Variants in OXR1 observed in about 807,000 individuals in gnomAD.
The protein encoded by OXR1 is oxidation resistance 1, also known as oxidation resistance protein 1.
OXR1 carries 41 observed loss-of-function variants against 104.6 expected under a neutral mutation model. The observed-to-expected ratio is 0.39, with a 90% confidence interval of 0.31 to 0.51. The LOEUF is 0.51. Among genes scored for constraint, OXR1 ranks in the 20% least tolerant of loss-of-function variants. The probability of loss-of-function intolerance (pLI) is 0.77; values close to 1 mark genes in which losing one functional copy is unlikely to be tolerated. For synonymous variants in OXR1, 348 were observed against 348.4 expected (o/e 1.00, Z 0.01); for missense variants, 955 against 1,031.9 (o/e 0.93, Z 1.02).
At chr8:106,339,485 C>T (rs1209672622) in intron 1 of OXR1, among the ~76,000 whole-genome samples, 3 of 70,118 alleles carry the variant, frequency 4.3e-5, no homozygotes, top group Non-Finnish European at 7.1e-5. Flanking sequence ...CAGAGCGAGA[C>T]TCCATCCAAA....
intron 3 of OXR1, among the ~76,000 whole-genome samples, chr8:106,534,978 T>C (rs1563587604): frequency 6.6e-6 from 1 of 152,202 alleles, no homozygotes; most frequent in Non-Finnish European, 1.5e-5. Flanking sequence ...TTTTGTTTTT[T>C]TTGAGACGGA....
intron 1 of OXR1, among the ~76,000 whole-genome samples, chr8:106,343,533 C>T (rs1253116382): frequency 1.3e-5 from 2 of 152,182 alleles, no homozygotes; most frequent in African/African-American, 2.4e-5. Flanking sequence ...TCAACTTTAA[C>T]ATATAGCAAG....
At chr8:106,492,599 A>G (rs1586715983) in intron 2 of OXR1, among the ~76,000 whole-genome samples, 1 of 152,160 alleles carries the variant, frequency 6.6e-6, no homozygotes, top group African/African-American at 2.4e-5. Flanking sequence ...TCTTATGTTT[A>G]CCATTCCCCC....
intron 2 of OXR1, among the ~76,000 whole-genome samples, chr8:106,464,147 C>T (rs1419529220): frequency 6.6e-6 from 1 of 152,018 alleles, no homozygotes; most frequent in Non-Finnish European, 1.5e-5. Context: ...AGCCTAGTGA[C>T]CTGAACCCAG....
At chr8:106,584,516 T>A (rs948178154) in intron 3 of OXR1, among the ~76,000 whole-genome samples, 6 of 152,208 alleles carry the variant, frequency 3.9e-5, no homozygotes, top group African/African-American at 1.4e-4. Context: ...GGAGACATAT[T>A]CATTCAATGG....
intron 16 of OXR1, among the ~76,000 whole-genome samples, chr8:106,750,152 A>G (rs1387364568): frequency 8.0e-6 from 1 of 124,864 alleles, no homozygotes; most frequent in East Asian, 2.2e-4. Context: ...AAACACACAC[A>G]TACACAAAAA....
intron 7 of OXR1, among the ~76,000 whole-genome samples, chr8:106,700,685 A>G (rs1830510351): frequency 6.6e-6 from 1 of 152,222 alleles, no homozygotes; most frequent in Non-Finnish European, 1.5e-5. Context: ...GAGAATTAAA[A>G]GCATTATCAG....
chr8:106,601,696 C>CCT (rs761878523), intron 3 of OXR1, among the ~76,000 whole-genome samples: 54 of 152,268 alleles, frequency 3.5e-4, no homozygotes, highest in Non-Finnish European at 6.5e-4. Flanking sequence ...GGTGTGCATT[C>CCT]CCTGGGTACT....
intron 12 of OXR1, among the ~76,000 whole-genome samples, chr8:106,737,922 A>G (rs1450024929): frequency 1.3e-5 from 2 of 152,302 alleles, no homozygotes. Context: ...AATCTTTTCT[A>G]AACAAAATCT....
chr8:106,601,056 A>G (rs932750909), intron 3 of OXR1, among the ~76,000 whole-genome samples: 23 of 152,218 alleles, frequency 1.5e-4, no homozygotes, highest in Non-Finnish European at 5.9e-5. Context: ...CTTCCAGGCT[A>G]TTAGGAGTTT....
intron 2 of OXR1, among the ~76,000 whole-genome samples, chr8:106,454,339 T>C (rs1820483769): frequency 6.6e-6 from 1 of 151,556 alleles, no homozygotes; most frequent in Admixed American, 6.6e-5. Flanking sequence ...CATGCACCTG[T>C]AGTCCCAGCT....
chr8:106,703,922 C>A (rs1309636658), intron 8 of OXR1, among the ~76,000 whole-genome samples: 1 of 152,056 alleles, frequency 6.6e-6, no homozygotes, highest in African/African-American at 2.4e-5. Context: ...TATTTATATC[C>A]CTGTATTAGC....
intron 2 of OXR1, among the ~76,000 whole-genome samples, chr8:106,469,949 C>T (rs1046122960): frequency 1.3e-5 from 2 of 151,712 alleles, no homozygotes; most frequent in African/African-American, 4.8e-5. Context: ...ATCTGCGAAA[C>T]AGGTATCTGT....
chr8:106,507,507 G>A (rs1477113479), intron 2 of OXR1, among the ~76,000 whole-genome samples: 8 of 152,170 alleles, frequency 5.3e-5, no homozygotes, highest in African/African-American at 1.9e-4. Flanking sequence ...TTTTGAAATT[G>A]ACTACATGAA....
intron 7 of OXR1, among the ~76,000 whole-genome samples, chr8:106,698,191 A>G (rs1830254281): frequency 6.6e-6 from 1 of 152,090 alleles, no homozygotes; most frequent in South Asian, 2.1e-4. Context: ...ATGAGGTTTT[A>G]TTTCTTTTCA....
intron 7 of OXR1, among the ~76,000 whole-genome samples, chr8:106,701,989 A>G (rs767824969): frequency 2.0e-5 from 3 of 152,260 alleles, no homozygotes; most frequent in South Asian, 4.1e-4. Context: ...TATTTTTTTG[A>G]GATGGAGTCT....
intron 3 of OXR1, among the ~76,000 whole-genome samples, chr8:106,618,667 G>C (rs578019940): frequency 6.6e-6 from 1 of 152,084 alleles, no homozygotes; most frequent in African/African-American, 2.4e-5. Context: ...TCCCTAACTC[G>C]GGTAATGGCA....
chr8:106,381,672 C>T (rs1035852371), intron 2 of OXR1, among the ~76,000 whole-genome samples: 1 of 152,150 alleles, frequency 6.6e-6, no homozygotes, highest in African/African-American at 2.4e-5. Context: ...TAAATTCCCT[C>T]TTCTAATATA....
intron 3 of OXR1, among the ~76,000 whole-genome samples, chr8:106,583,854 A>C (rs952467399): frequency 5.9e-5 from 9 of 152,184 alleles, no homozygotes; most frequent in Non-Finnish European, 8.8e-5. Context: ...CAGCTCAATC[A>C]GAGCATGCTA....
Sources: allele counts gnomAD v4.1 joint callset (sites outside exome capture counted in the v4.1 genomes callset), GRCh38; gene constraint gnomAD v4.1.1; transcripts MANE v1.5; gene names NCBI Gene and HGNC (gene_info 2026-07-23, HGNC 2026-07-21).